FARSB: variants seen among roughly 807,000 people sequenced by gnomAD.
FARSB encodes phenylalanyl-tRNA synthetase subunit beta.
FARSB carries 40 observed loss-of-function variants against 69.6 expected under a neutral mutation model. The ratio of observed to expected loss-of-function variants is 0.57; its 90% confidence interval spans 0.45 to 0.75. The LOEUF is 0.75. Among genes scored for constraint, FARSB ranks in the 30% least tolerant of loss-of-function variants. FARSB has a pLI of 0.00. For synonymous variants in FARSB, 235 were observed against 247.2 expected (o/e 0.95, Z 0.46); for missense variants, 632 against 722.9 (o/e 0.87, Z 1.44).
At chr2:222,601,407 T>A (rs906457535) in intron 15 of FARSB, among the ~76,000 whole-genome samples, 1 of 151,408 alleles carries the variant, frequency 6.6e-6, no homozygotes, top group South Asian at 2.1e-4. Flanking sequence ...CAATACCCCA[T>A]CTCTACAATA....
At chr2:222,579,406 TACAGC>T (rs1242730051) in intron 16 of FARSB, among the ~76,000 whole-genome samples, 1 of 152,220 alleles carries the variant, frequency 6.6e-6, no homozygotes, top group Non-Finnish European at 1.5e-5. Flanking sequence ...GTAATATTAA[TACAGC>T]ACAATACTGA....
intron 10 of FARSB, among the ~76,000 whole-genome samples, chr2:222,625,544 C>T (rs1441668642): frequency 1.3e-5 from 2 of 152,234 alleles, no homozygotes; most frequent in African/African-American, 4.8e-5. Context: ...GAAAGGCTGA[C>T]TGCAGGTCTT....
intron 5 of FARSB, among the ~76,000 whole-genome samples, chr2:222,637,276 C>A (rs1162091326): frequency 1.3e-5 from 2 of 152,110 alleles, no homozygotes; most frequent in Non-Finnish European, 2.9e-5. Context: ...TGAGCCCTGA[C>A]TATAGGGCAG....
At chr2:222,638,462 G>A (rs1422354295) in intron 5 of FARSB, among the ~76,000 whole-genome samples, 2 of 152,172 alleles carry the variant, frequency 1.3e-5, no homozygotes, top group African/African-American at 4.8e-5. Flanking sequence ...CAGAAATCTT[G>A]TATTTTGTTC....
intron 1 of FARSB, among the ~76,000 whole-genome samples, chr2:222,652,766 C>CTAAG (rs971157464): frequency 6.7e-4 from 102 of 152,330 alleles, no homozygotes; most frequent in African/African-American, 2.4e-3. Flanking sequence ...AACCACCCAG[C>CTAAG]TAAGCCAGTC....
intron 10 of FARSB, among the ~76,000 whole-genome samples, chr2:222,625,777 C>T (rs960579175): frequency 6.6e-6 from 1 of 152,212 alleles, no homozygotes; most frequent in African/African-American, 2.4e-5. Flanking sequence ...ACAACAGATG[C>T]TATTAGTATT....
intron 8 of FARSB, 41 bp downstream of exon 8, chr2:222,631,563 C>A: frequency 1.9e-6 from 2 of 1,071,932 alleles, no homozygotes; most frequent in Non-Finnish European, 2.9e-6. Flanking sequence ...TAAAATCTAT[C>A]CCAGCTGATC....
rs1424038214 is a variant in FARSB, at chr2:222,591,529, CA to C, written c.1618+8398del. ...TCTTAGTACTCATAATCACAGCACACAAAAGAAAAGCAAGTGAAAGTAAGGT... is the reference window on the plus strand; with the variant it reads ...TCTTAGTACTCATAATCACAGCACACAAAGAAAAGCAAGTGAAAGTAAGGT... On this transcript the variant is annotated intron_variant, in intron 16 of 16. Transcript: ENST00000281828. Among the ~76,000 whole-genome samples the C allele has an allele frequency of 2.0e-5, 3 of 152,086 alleles. No homozygotes were observed. The East Asian group carries it at 5.8e-4, about 29-fold the overall frequency.
chr2:222,569,096 G>A lies in FARSB; in HGVS notation c.*2775C>T, dbSNP rs73991501. 1 of 152,110 alleles carries A rather than the reference G, an allele frequency of 6.6e-6. No individual in the cohort carries two copies. Among genetic ancestry groups the A allele is most frequent in the African/African-American group, 2.4e-5 (1 of 41,416 alleles). 9.4% of individuals were successfully genotyped at this position (152,110 alleles called of 1,614,324 possible). On this transcript the variant is annotated 3_prime_UTR_variant, in exon 17 of 17. Transcript: ENST00000281828. ...TAAGATGATCTGGCTGCAGAGCCTC[G>A]ACTCATGAGCTGGATTCGCTTCTTC...
chr2:222,624,280 C>CT lies in FARSB; in HGVS notation c.1161dup (p.Ala388SerfsTer2). On this transcript the variant is annotated frameshift_variant, in exon 12 of 17. Transcript: ENST00000281828. LOFTEE classifies it high-confidence loss of function. ...TAAGGGTGCAATCTTACTTGATTAG[C>CT]TATGGTGTAAGTTTTCGGGAGAGTC... 1 of 1,598,234 alleles carries CT rather than the reference C, an allele frequency of 6.3e-7. No homozygotes were observed. Among genetic ancestry groups the CT allele is most frequent in the Middle Eastern group, 2.1e-4 (1 of 4,864 alleles).
At chr2:222,630,692 A>G (rs866195834) in intron 8 of FARSB, among the ~76,000 whole-genome samples, 1 of 152,098 alleles carries the variant, frequency 6.6e-6, no homozygotes, top group Non-Finnish European at 1.5e-5. Context: ...AAATTCTTAG[A>G]AAAAAAATAC....
chr2:222,575,663 T>C (rs969645509), intron 16 of FARSB, among the ~76,000 whole-genome samples: 8 of 152,218 alleles, frequency 5.3e-5, no homozygotes, highest in African/African-American at 1.9e-4. Flanking sequence ...TAGTGTTCTC[T>C]GTTGAAATAC....
intron 16 of FARSB, among the ~76,000 whole-genome samples, chr2:222,582,483 C>T (rs1195807582): frequency 1.3e-5 from 2 of 152,194 alleles, no homozygotes; most frequent in Non-Finnish European, 2.9e-5. Context: ...CCAGAGTTCT[C>T]TCTACGTCCC....
intron 15 of FARSB, among the ~76,000 whole-genome samples, chr2:222,603,214 T>C (rs759775583): frequency 5.3e-5 from 8 of 152,258 alleles, no homozygotes; most frequent in Admixed American, 1.3e-4. Flanking sequence ...AACTAATATC[T>C]GAGGGAATAA....
chr2:222,652,872 G>C lies in FARSB; in HGVS notation c.58+3144C>G, dbSNP rs567289059. On this transcript the variant is annotated intron_variant, in intron 1 of 16. Transcript: ENST00000281828. ...TTAGTATGCAGTAATAGATAACTAA[G>C]TGGTACAGAACTATTAAAATACGCT... Among the ~76,000 whole-genome samples, 9 of 152,298 alleles carry C rather than the reference G, an allele frequency of 5.9e-5. No individual in the cohort carries two copies. In the South Asian group the frequency reaches 1.9e-3, roughly 32 times the overall value.
chr2:222,634,631 A>G, intron 5 of FARSB, 90 bp from the exon 6 acceptor site: 1 of 997,548 alleles, frequency 1.0e-6, no homozygotes, highest in Non-Finnish European at 1.4e-6. Flanking sequence ...GAAATTCTAA[A>G]GATAACATAA....
chr2:222,624,631 T>C, intron 11 of FARSB, 83 bp downstream of exon 11: 2 of 994,766 alleles, frequency 2.0e-6, no homozygotes, highest in Non-Finnish European at 3.1e-6. Context: ...TATCATTCCT[T>C]AACAGACTCT....
chr2:222,642,769 A>C (rs916974503), intron 3 of FARSB, 82 bp downstream of exon 3: 1 of 1,116,414 alleles, frequency 9.0e-7, no homozygotes, highest in African/African-American at 1.5e-5. Context: ...TTTCCTAGAA[A>C]TTTAAACATG....
chr2:222,649,417 T>C (rs1014324140), intron 1 of FARSB, among the ~76,000 whole-genome samples: 1 of 152,224 alleles, frequency 6.6e-6, no homozygotes, highest in African/African-American at 2.4e-5. Flanking sequence ...AGATCAGATA[T>C]AAAGTAGGCT....
Sources: allele counts gnomAD v4.1 joint callset (sites outside exome capture counted in the v4.1 genomes callset), GRCh38; gene constraint gnomAD v4.1.1; transcripts MANE v1.5; gene names NCBI Gene and HGNC (gene_info 2026-07-23, HGNC 2026-07-21).